Variants in SRGAP2B observed in about 807,000 individuals in gnomAD.
The protein encoded by SRGAP2B is SLIT-ROBO Rho GTPase-activating protein 2B.
SRGAP2B carries 9 observed loss-of-function variants against 22.2 expected under a neutral mutation model. The ratio of observed to expected loss-of-function variants is 0.41; its 90% CI spans 0.24 to 0.71. The LOEUF (loss-of-function observed/expected upper bound fraction) is 0.71. Among genes scored for constraint, SRGAP2B ranks in the 30% least tolerant of loss-of-function variants. The probability of loss-of-function intolerance (pLI) is 0.35; values close to 1 mark genes in which losing one functional copy is unlikely to be tolerated. For missense variants in SRGAP2B, 114 were observed against 235.8 expected (o/e 0.48, Z 3.38); for synonymous variants, 36 against 87.4 (o/e 0.41, Z 3.28).
At chr1:144,997,287 C>T (rs1340435218) in intron 2 of SRGAP2B, among the ~76,000 whole-genome samples, 1 of 150,742 alleles carries the variant, frequency 6.6e-6, no homozygotes, top group Non-Finnish European at 1.5e-5. Context: ...AAAAATTAGC[C>T]AGGCATGGTG....
rs1225650274 is a variant in SRGAP2B at position 144,990,841 on chromosome 1, T to C, written c.260+4167A>G. ...TGAGTCCCCCAGCAGTGCCGGCCCA[T>C]CGGCGCTGTGCTCGATTTCTCGCTG... On this transcript the variant is annotated intron_variant, in intron 3 of 9. Coordinates refer to ENST00000612199, the Ensembl canonical transcript of SRGAP2B. Among the ~76,000 whole-genome samples the C allele has an allele frequency of 1.5e-4, 23 of 151,462 alleles. No individual in the cohort carries two copies. The Middle Eastern group carries it at 0.014, about 90-fold the overall frequency.
chr1:145,006,763 A>G (rs1447264324), intron 2 of SRGAP2B, among the ~76,000 whole-genome samples: 3 of 150,902 alleles, frequency 2.0e-5, no homozygotes, highest in Non-Finnish European at 2.9e-5. Context: ...TTTACTAGTA[A>G]TCACATATCC....
intron 2 of SRGAP2B, among the ~76,000 whole-genome samples, chr1:144,997,205 G>C (rs1223350824): frequency 6.6e-6 from 1 of 150,502 alleles, no homozygotes; most frequent in African/African-American, 2.5e-5. Context: ...GAGGCGGGCG[G>C]ATCACAAGGT....
At chr1:144,975,021 C>T (rs1375439924) in intron 3 of SRGAP2B, among the ~76,000 whole-genome samples, 2 of 147,212 alleles carry the variant, frequency 1.4e-5, no homozygotes, top group African/African-American at 5.4e-5. Context: ...AGAGACAGGG[C>T]TGGTCCAGAA....
intron 4 of SRGAP2B, among the ~76,000 whole-genome samples, chr1:144,936,948 A>AAAATT (rs1428226512): frequency 3.4e-4 from 37 of 108,918 alleles, no homozygotes; most frequent in Middle Eastern, 7.5e-3. Flanking sequence ...CAATGACTAC[A>AAAATT]AAATTAAATT....
At chr1:144,916,218 T>C (rs1391491454) in intron 4 of SRGAP2B, among the ~76,000 whole-genome samples, 3 of 143,720 alleles carry the variant, frequency 2.1e-5, no homozygotes, top group Admixed American at 6.9e-5. Flanking sequence ...ATTTTTCTAA[T>C]CTTTTCTAGT....
chr1:144,887,643 AAGAG>A (rs1201381270), exon 10 of SRGAP2B: 2 of 31,526 alleles, frequency 6.3e-5, no homozygotes, highest in East Asian at 1.3e-3. Flanking sequence ...GAAAGGGAGA[AAGAG>A]AGACAGCGAA....
At chr1:145,068,665 C>T (rs1553632824) in intron 2 of SRGAP2B, among the ~76,000 whole-genome samples, 1 of 123,318 alleles carries the variant, frequency 8.1e-6, no homozygotes, top group South Asian at 3.1e-4. Context: ...ATTTTCATTT[C>T]CATTACAAAG....
chr1:144,910,409 G>C (rs1663335074), intron 5 of SRGAP2B, among the ~76,000 whole-genome samples: 2 of 143,204 alleles, frequency 1.4e-5, no homozygotes, highest in South Asian at 4.4e-4. Context: ...TAGTGCCAGA[G>C]TCAAATAGGC....
intron 4 of SRGAP2B, among the ~76,000 whole-genome samples, chr1:144,941,176 T>C (rs376039488): frequency 1.4e-5 from 2 of 143,510 alleles, no homozygotes; most frequent in East Asian, 3.9e-4. Context: ...TGAAGCTCAG[T>C]ATTACTTTAA....
intron 2 of SRGAP2B, among the ~76,000 whole-genome samples, chr1:144,995,697 T>C (rs1670625649): frequency 6.8e-6 from 1 of 147,068 alleles, no homozygotes; most frequent in Non-Finnish European, 1.5e-5. Context: ...CTCCTACTTT[T>C]TGCATTTTTC....
chr1:144,911,625 T>A (rs1262093790), intron 5 of SRGAP2B, among the ~76,000 whole-genome samples: 1 of 148,236 alleles, frequency 6.7e-6, no homozygotes, highest in Non-Finnish European at 1.5e-5. Flanking sequence ...TGCTATTTTT[T>A]TTTTTTTTTT....
intron 2 of SRGAP2B, among the ~76,000 whole-genome samples, chr1:144,998,668 G>A (rs1345826952): frequency 6.6e-6 from 1 of 150,854 alleles, no homozygotes; most frequent in Non-Finnish European, 1.5e-5. Flanking sequence ...AAAGAAGAAA[G>A]GAAGCAGAAA....
At chr1:145,019,870 C>T (rs61822317) in intron 2 of SRGAP2B, among the ~76,000 whole-genome samples, 2 of 149,150 alleles carry the variant, frequency 1.3e-5, no homozygotes, top group Non-Finnish European at 2.9e-5. Flanking sequence ...ATCTCCTAGT[C>T]CTTTTCCGCC....
At chr1:145,068,000 G>C (rs1234259822) in intron 2 of SRGAP2B, among the ~76,000 whole-genome samples, 2 of 40,144 alleles carry the variant, frequency 5.0e-5, no homozygotes, top group Non-Finnish European at 9.5e-5. Context: ...TCAAGTGTTT[G>C]AGACCAGCCT....
At chr1:145,087,087 TTAGA>T (rs1419385045) in intron 2 of SRGAP2B, among the ~76,000 whole-genome samples, 1 of 75,974 alleles carries the variant, frequency 1.3e-5, no homozygotes, top group East Asian at 3.8e-4. Flanking sequence ...AAAGAGTCAT[TTAGA>T]TGGATGGTAG....
At chr1:144,924,466 C>T (rs1320990042) in intron 4 of SRGAP2B, among the ~76,000 whole-genome samples, 6 of 148,360 alleles carry the variant, frequency 4.0e-5, no homozygotes, top group Non-Finnish European at 5.9e-5. Flanking sequence ...TCTGGCCGGG[C>T]GCGGTGGCTC....
At chr1:144,987,113 G>T (rs587640469) in intron 3 of SRGAP2B, among the ~76,000 whole-genome samples, 1 of 152,242 alleles carries the variant, frequency 6.6e-6, no homozygotes, top group South Asian at 2.1e-4. Context: ...CCAATCAGAA[G>T]AAATCTCTCT....
chr1:145,030,306 T>A (rs500792), intron 2 of SRGAP2B, among the ~76,000 whole-genome samples: 9 of 150,364 alleles, frequency 6.0e-5, no homozygotes, highest in Non-Finnish European at 1.2e-4. Flanking sequence ...TATTCTTCCA[T>A]CCTTTCCTTA....
Sources: allele counts gnomAD v4.1 joint callset (sites outside exome capture counted in the v4.1 genomes callset), GRCh38; gene constraint gnomAD v4.1.1; transcripts MANE v1.5; gene names NCBI Gene and HGNC (gene_info 2026-07-23, HGNC 2026-07-21).